CCDC38: variants seen among roughly 807,000 people sequenced by gnomAD.
CCDC38 encodes the protein coiled-coil domain containing 38.
In CCDC38, 69 loss-of-function variants were observed where a neutral mutation model predicts 72.8. The ratio of observed to expected loss-of-function variants is 0.95; its 90% CI spans 0.78 to 1.16. The LOEUF (loss-of-function observed/expected upper bound fraction) is 1.16. CCDC38 is among the 50% of genes most tolerant of loss of function. CCDC38 has a pLI of 0.00. For missense variants in CCDC38, 626 were observed against 638.9 expected (o/e 0.98, Z 0.22); for synonymous variants, 201 against 213.2 (o/e 0.94, Z 0.50).
intron 9 of CCDC38, among the ~76,000 whole-genome samples, 169 bp downstream of exon 9, chr12:95,890,663 G>T (rs2079814428): frequency 6.6e-6 from 1 of 152,304 alleles, no homozygotes; most frequent in African/African-American, 2.4e-5. Context: ...TGCACCTCTT[G>T]GCATTTTGTG....
chr12:95,895,754 GAAA>G (rs1206572260), intron 7 of CCDC38, among the ~76,000 whole-genome samples: 48 of 37,254 alleles, frequency 1.3e-3, no homozygotes, highest in Non-Finnish European at 1.9e-3. Flanking sequence ...ACTCTGTCTC[GAAA>G]AAAAAAAAAA....
chr12:95,898,520 A>G, intron 6 of CCDC38, 48 bp downstream of exon 6: 1 of 1,614,130 alleles, frequency 6.2e-7, no homozygotes, highest in Non-Finnish European at 8.5e-7. Context: ...CAAACAAACA[A>G]ACAAACAAAA....
chr12:95,892,482 C>G (rs1240685747), intron 8 of CCDC38, among the ~76,000 whole-genome samples: 1 of 151,150 alleles, frequency 6.6e-6, no homozygotes, highest in African/African-American at 2.4e-5. Flanking sequence ...CTATGTCTCA[C>G]TATGTTGCCC....
chr12:95,894,187 C>A (rs2079860974), intron 8 of CCDC38, among the ~76,000 whole-genome samples: 1 of 151,974 alleles, frequency 6.6e-6, no homozygotes, highest in African/African-American at 2.4e-5. Context: ...CCATTGGACT[C>A]CAGCTCTGGG....
At chr12:95,902,833 A>T (rs1208761992) in intron 5 of CCDC38, among the ~76,000 whole-genome samples, 1 of 152,178 alleles carries the variant, frequency 6.6e-6, no homozygotes, top group Non-Finnish European at 1.5e-5. Flanking sequence ...GTAGGATAGC[A>T]TTTTAGATCC....
intron 1 of CCDC38, 123 bp from the exon 2 acceptor site, chr12:95,936,646 A>G (rs1316881627): frequency 1.5e-6 from 1 of 659,614 alleles, no homozygotes; most frequent in African/African-American, 1.8e-5. Context: ...GAGCACACAC[A>G]TACTCTTTGA....
chr12:95,892,583 C>CTTTTTTTT (rs577335624), intron 8 of CCDC38, among the ~76,000 whole-genome samples: 1 of 121,222 alleles, frequency 8.2e-6, no homozygotes, highest in African/African-American at 3.0e-5. Context: ...GGCTTAAATT[C>CTTTTTTTT]TTTTTTTTTT....
intron 9 of CCDC38, 65 bp from the exon 10 acceptor site, chr12:95,888,571 A>G: frequency 6.8e-7 from 1 of 1,475,124 alleles, no homozygotes. Context: ...AATAACATGG[A>G]ATTAGAAATG....
At chr12:95,917,415 C>G (rs2080157690) in intron 3 of CCDC38, 121 bp from the exon 4 acceptor site, 1 of 750,802 alleles carries the variant, frequency 1.3e-6, no homozygotes, top group Admixed American at 3.5e-5. Context: ...AAAACAACCC[C>G]AGGTTCTTCT....
At chr12:95,894,215 A>G (rs1331488668) in intron 8 of CCDC38, among the ~76,000 whole-genome samples, 1 of 152,188 alleles carries the variant, frequency 6.6e-6, no homozygotes, top group Non-Finnish European at 1.5e-5. Flanking sequence ...CAGAGACTCC[A>G]TCTCAAAAAC....
At position 95,872,433 on chromosome 12, in the gene CCDC38, T is replaced by A; in HGVS notation, c.1306A>T (p.Lys436Ter). The change falls in exon 14 of 16, where the codon AAG becomes TAG. Residue 436 changes from lysine to a stop codon, truncating the protein, a stop_gained. Coordinates refer to ENST00000344280, the MANE Select transcript of CCDC38 (RefSeq NM_182496.3). LOFTEE classifies it high-confidence loss of function. ...CAGACTTTGTATACTTGAGTAATCT[T>A]TTTACTAAGTGAGTCTATCAGTATT... is the stretch of plus-strand genomic sequence containing the variant. ...QEILIDSLSK[K>*]ITQVYKVCIG... 1 of 1,613,672 alleles carries A rather than the reference T, an allele frequency of 6.2e-7. No homozygotes were observed. The highest frequency in any genetic ancestry group is 1.1e-5 in the South Asian group (1 of 91,066).
intron 14 of CCDC38, 66 bp from the exon 15 acceptor site, chr12:95,869,639 T>G: frequency 3.4e-6 from 4 of 1,185,176 alleles, no homozygotes; most frequent in Non-Finnish European, 5.0e-6. Flanking sequence ...AGTACATTAC[T>G]ATTTGTTAAT....
chr12:95,905,580 A>G (rs2079992709), intron 5 of CCDC38, among the ~76,000 whole-genome samples: 1 of 152,224 alleles, frequency 6.6e-6, no homozygotes, highest in South Asian at 2.1e-4. Context: ...AACTAAATTT[A>G]TGCCCCAAAA....
In CCDC38 at chr12:95,925,447, C is replaced by T. The variant is rs546614284; in HGVS notation, c.38-6471G>A. Among the ~76,000 whole-genome samples the T allele has an allele frequency of 2.2e-4, 33 of 152,240 alleles. 1 individual carries two copies. Among genetic ancestry groups the T allele is most frequent in the African/African-American group, 6.3e-4 (26 of 41,530 alleles). ...AGCTTAAGGAGATTTGGGGCTGAGA[C>T]GATGGGGTTTTCTAGATATACAATC... On this transcript the variant is annotated intron_variant, in intron 2 of 15. Coordinates refer to ENST00000344280, the MANE Select transcript of CCDC38 (RefSeq NM_182496.3).
At chr12:95,914,452 T>C (rs2136714465) in intron 4 of CCDC38, among the ~76,000 whole-genome samples, 1 of 152,354 alleles carries the variant, frequency 6.6e-6, no homozygotes, top group Admixed American at 6.5e-5. Flanking sequence ...ATTTTACCAA[T>C]CTTGTCTCAT....
At chr12:95,902,477 C>T (rs768985436) in intron 5 of CCDC38, among the ~76,000 whole-genome samples, 1 of 152,102 alleles carries the variant, frequency 6.6e-6, no homozygotes, top group Non-Finnish European at 1.5e-5. Context: ...ATAGTATGAA[C>T]TATTTTTCTG....
intron 10 of CCDC38, 133 bp downstream of exon 10, chr12:95,888,325 A>G (rs2079782900): frequency 1.3e-6 from 1 of 760,770 alleles, no homozygotes; most frequent in South Asian, 1.7e-5. Flanking sequence ...GTGCACAGAA[A>G]TGGCACCACT....
At chr12:95,929,384 T>C (rs10161344) in intron 2 of CCDC38, among the ~76,000 whole-genome samples, 102,679 of 152,062 alleles carry the variant, frequency 0.68, 35,531 homozygotes, top group East Asian at 0.94. Flanking sequence ...GGCAATGCCT[T>C]GCCCTGCTTC....
chr12:95,909,545 C>A (rs1045094136), intron 4 of CCDC38, among the ~76,000 whole-genome samples: 14 of 152,164 alleles, frequency 9.2e-5, no homozygotes, highest in Non-Finnish European at 1.9e-4. Flanking sequence ...CTCCCTAACT[C>A]ATCCTATGAA....
Sources: gnomAD v4.1 joint callset for allele counts (sites outside exome capture counted in the v4.1 genomes callset) on GRCh38, gnomAD v4.1.1 for gene constraint, MANE v1.5 for transcripts, NCBI Gene and HGNC (gene_info 2026-07-23, HGNC 2026-07-21) for gene names.